Variants in GPR83 observed in about 807,000 individuals in gnomAD.
The protein encoded by GPR83 is G-protein coupled receptor 72.
GPR83 carries 23 observed loss-of-function variants against 28.0 expected under a neutral mutation model. The ratio of observed to expected loss-of-function variants is 0.82; its 90% CI spans 0.59 to 1.16. The LOEUF (loss-of-function observed/expected upper bound fraction) is 1.16. Among genes scored for constraint, GPR83 ranks in the 50% most tolerant of loss-of-function variants. The probability of loss-of-function intolerance (pLI) is 0.00; values close to 1 mark genes in which losing one functional copy is unlikely to be tolerated. For synonymous variants in GPR83, 234 were observed against 215.4 expected, an observed-to-expected ratio of 1.09 and a Z score of -0.76; for missense variants, 610 against 536.6, an observed-to-expected ratio of 1.14 and a Z score of -1.35.
intron 3 of GPR83, among the ~76,000 whole-genome samples, chr11:94,391,848 A>T (rs964792239): frequency 1.3e-5 from 2 of 152,216 alleles, no homozygotes; most frequent in Non-Finnish European, 2.9e-5. Flanking sequence ...GATGTGGAGA[A>T]ATAGGAATGC....
At chr11:94,385,106 G>C (rs551545981) in intron 3 of GPR83, among the ~76,000 whole-genome samples, 6 of 152,154 alleles carry the variant, frequency 3.9e-5, no homozygotes, top group African/African-American at 1.4e-4. Flanking sequence ...GTGGACCTCC[G>C]GCAAACTCCA....
chr11:94,390,725 T>G (rs1171829982), intron 3 of GPR83, among the ~76,000 whole-genome samples: 2 of 152,144 alleles, frequency 1.3e-5, no homozygotes, highest in Admixed American at 6.5e-5. Flanking sequence ...CACTCACAAT[T>G]GCTACTAAGA....
rs938638287 is a variant in GPR83, at chr11:94,379,875, C to G, written c.*274G>C. ...ATGATTCAGCCCCCATCTGGGCCAA[C>G]GTTGTCCTCGCTCCTCTTCCTCAGA... is the stretch of plus-strand genomic sequence containing the variant. On this transcript the variant is annotated 3_prime_UTR_variant, in exon 4 of 4. Transcript: ENST00000243673. The G allele has an allele frequency of 3.5e-6, 1 of 287,358 alleles. No individual in the cohort carries two copies. The highest frequency in any genetic ancestry group is 6.5e-6 in the Non-Finnish European group (1 of 153,992). 17.8% of individuals were successfully genotyped at this position (287,358 alleles called of 1,614,324 possible). A position where few individuals can be genotyped will look rare whatever the true frequency, so the allele number is the denominator to read the frequency against.
chr11:94,398,099 T>C (rs1944882135), intron 1 of GPR83, among the ~76,000 whole-genome samples: 2 of 152,204 alleles, frequency 1.3e-5, no homozygotes, highest in Non-Finnish European at 1.5e-5. Flanking sequence ...CCCAAGGCCA[T>C]GGGCCTTGTG....
chr11:94,401,171 TC>T lies in GPR83; in HGVS notation c.76del (p.Glu26SerfsTer45). On this transcript the variant is annotated frameshift_variant, in exon 1 of 4. Transcript: ENST00000243673. LOFTEE classifies it high-confidence loss of function. ...ATEPHEGRAD[E>X]QSAEAALAVP... ...GGCCAGGGCCGCCTCCGCGCTCTGCTCGTCGGCCCGGCCCTCGTGGGGCTCG... is the reference window on the plus strand; with the variant it reads ...GGCCAGGGCCGCCTCCGCGCTCTGCTGTCGGCCCGGCCCTCGTGGGGCTCG... The T allele has an allele frequency of 6.2e-7, 1 of 1,613,494 alleles. No homozygotes were observed. Among genetic ancestry groups the T allele is most frequent in the East Asian group, 2.2e-5 (1 of 44,796 alleles).
intron 3 of GPR83, among the ~76,000 whole-genome samples, chr11:94,389,960 C>T (rs899691529): frequency 7.2e-5 from 11 of 152,096 alleles, no homozygotes; most frequent in African/African-American, 2.2e-4. Context: ...GAAAATGTGG[C>T]ACATATACAC....
chr11:94,385,787 C>A (rs575035693), intron 3 of GPR83, among the ~76,000 whole-genome samples: 2 of 152,160 alleles, frequency 1.3e-5, no homozygotes, highest in Non-Finnish European at 2.9e-5. Context: ...GGATATTATC[C>A]AGGAGAAATT....
intron 3 of GPR83, among the ~76,000 whole-genome samples, chr11:94,388,166 C>T (rs375751345): frequency 1.3e-5 from 2 of 152,226 alleles, no homozygotes; most frequent in East Asian, 1.9e-4. Context: ...ATTGATGGGA[C>T]GTATCTCAAA....
At chr11:94,394,700 AC>A (rs947002130) in intron 2 of GPR83, among the ~76,000 whole-genome samples, 1 of 152,098 alleles carries the variant, frequency 6.6e-6, no homozygotes, top group Admixed American at 6.5e-5. Flanking sequence ...AGCTGACAGC[AC>A]ATCTCCCTTC....
intron 3 of GPR83, among the ~76,000 whole-genome samples, chr11:94,388,714 G>A (rs1944783973): frequency 6.6e-6 from 1 of 152,200 alleles, no homozygotes; most frequent in Non-Finnish European, 1.5e-5. Flanking sequence ...CTCGTGGGTA[G>A]GAAGAATCAG....
intron 3 of GPR83, among the ~76,000 whole-genome samples, chr11:94,386,719 A>G (rs184684387): frequency 6.6e-6 from 1 of 152,312 alleles, no homozygotes; most frequent in Non-Finnish European, 1.5e-5. Flanking sequence ...CTCCCACACA[A>G]TAATAATGGG....
chr11:94,383,572 C>A lies in GPR83; in HGVS notation c.648-2799G>T, dbSNP rs1944715578. The stretch of plus-strand genomic sequence containing the variant: ...CTGGTTTTTTGAAAAGATCAACAAA[C>A]TTGATAGACCACTAGAAGACTAATA... On this transcript the variant is annotated intron_variant, in intron 3 of 3. Transcript: ENST00000243673. 6.6e-5 allele frequency among the ~76,000 whole-genome samples: 10 copies of A among 152,058 alleles called. No homozygotes were observed. The South Asian group carries it at 1.9e-3, about 28-fold the overall frequency.
In GPR83 at chr11:94,393,578, T is replaced by A. The variant is rs1314787638; in HGVS notation, c.554A>T (p.Lys185Met). Residue 185 changes from lysine to methionine, a missense_variant, in exon 3 of 4, where the codon AAG becomes ATG. Physicochemically the swap from Lys to Met is moderately conservative, Grantham distance 95. Transcript: ENST00000243673. ...GATGACAGCGATGTAGATGACACCC[T>A]TTGTGATTGAGATCCGGGGTTTCAA... ...HPLKPRISIT[K>M]GVIYIAVIWT... is the part of the protein sequence containing the mutation. 6.2e-7 allele frequency: 1 copy of A among 1,613,810 alleles called. No individual in the cohort carries two copies. Among genetic ancestry groups the A allele is most frequent in the South Asian group, 1.1e-5 (1 of 91,052 alleles).
chr11:94,396,753 C>A (rs1013802878), intron 1 of GPR83, among the ~76,000 whole-genome samples: 1 of 151,998 alleles, frequency 6.6e-6, no homozygotes, highest in Non-Finnish European at 1.5e-5. Flanking sequence ...CCATTAGGTG[C>A]CAGGAGAGCC....
chr11:94,380,666 AG>A lies in GPR83; in HGVS notation c.754del (p.Leu252SerfsTer20). 1.2e-6 allele frequency: 2 copies of A among 1,613,800 alleles called. No homozygotes were observed. The highest frequency in any genetic ancestry group is 1.7e-6 in the Non-Finnish European group (2 of 1,179,990). On this transcript the variant is annotated frameshift_variant, in exon 4 of 4. Transcript: ENST00000243673. LOFTEE classifies it high-confidence loss of function. ...AGCGTAGGCCACAGAGATGATGAGG[AG>A]GGGCAGGATGTAGAGCAGGATGAAG... ...ATFILLYILP[L>X]LIISVAYARV...
At chr11:94,387,050 A>T (rs1161680318) in intron 3 of GPR83, among the ~76,000 whole-genome samples, 1 of 152,236 alleles carries the variant, frequency 6.6e-6, no homozygotes, top group Non-Finnish European at 1.5e-5. Context: ...ACTACATGGA[A>T]ATTGAACAAC....
intron 1 of GPR83, 103 bp from the exon 2 acceptor site, chr11:94,396,627 T>C (rs1944869799): frequency 9.0e-7 from 1 of 1,113,154 alleles, no homozygotes; most frequent in South Asian, 1.5e-5. Flanking sequence ...TTCCTCCAGC[T>C]CCTCCCTTCT....
chr11:94,399,522 T>C (rs1160832987), intron 1 of GPR83, among the ~76,000 whole-genome samples: 1 of 152,210 alleles, frequency 6.6e-6, no homozygotes, highest in African/African-American at 2.4e-5. Flanking sequence ...GTGCCCTAGT[T>C]TTCTCATCTG....
chr11:94,387,287 C>T (rs11826312), intron 3 of GPR83, among the ~76,000 whole-genome samples: 2 of 152,156 alleles, frequency 1.3e-5, no homozygotes, highest in African/African-American at 2.4e-5. Flanking sequence ...CAAGAGCAAA[C>T]ACATTCAAAA....
Sources: allele counts gnomAD v4.1 joint callset (sites outside exome capture counted in the v4.1 genomes callset), GRCh38; gene constraint gnomAD v4.1.1; transcripts MANE v1.5; gene names NCBI Gene and HGNC (gene_info 2026-07-23, HGNC 2026-07-21).